The following CECR2 variants were observed in gnomAD, a reference collection of about 807,000 sequenced individuals.
CECR2 encodes chromatin remodeling regulator CECR2.
Under a neutral mutation model 154.5 loss-of-function variants are expected in CECR2, and 30 were observed. That is an observed-to-expected ratio of 0.19 (90% CI 0.15 to 0.26). The LOEUF (loss-of-function observed/expected upper bound fraction) is 0.26. Among genes scored for constraint, CECR2 ranks in the 10% least tolerant of loss-of-function variants. The pLI, the probability that CECR2 is intolerant of heterozygous loss-of-function variation, is 1.00. For synonymous variants in CECR2, 725 were observed against 683.7 expected (o/e 1.06, Z -0.94); for missense variants, 1,743 against 1,829.3 (o/e 0.95, Z 0.86).
At chr22:17,450,575 A>G (rs5746397) in intron 1 of CECR2, among the ~76,000 whole-genome samples, 21,291 of 152,242 alleles carry the variant, frequency 0.14, 1,806 homozygotes, top group East Asian at 0.29. Context: ...TAAAACATTG[A>G]AACAGTATAA....
At chr22:17,455,254 T>C (rs1263632045) in intron 1 of CECR2, among the ~76,000 whole-genome samples, 1 of 152,226 alleles carries the variant, frequency 6.6e-6, no homozygotes, top group African/African-American at 2.4e-5. Flanking sequence ...TAAAGTACAT[T>C]GATTTCTTTA....
chr22:17,376,490 C>T (rs1190018622), intron 1 of CECR2, among the ~76,000 whole-genome samples: 1 of 145,748 alleles, frequency 6.9e-6, no homozygotes, highest in Non-Finnish European at 1.5e-5. Context: ...TGTGCTGGGG[C>T]TCGCACAATG....
intron 1 of CECR2, among the ~76,000 whole-genome samples, chr22:17,413,063 T>A (rs573618854): frequency 6.6e-6 from 1 of 152,342 alleles, no homozygotes; most frequent in South Asian, 2.1e-4. Context: ...GCACATGCCT[T>A]TCTTTGGCCT....
rs201989565 is a variant in CECR2, at chr22:17,548,704, G to A, written c.3417G>A (p.Leu1139=). 94 of 1,613,510 alleles carry A rather than the reference G, an allele frequency of 5.8e-5. 1 individual carries two copies. The highest frequency in any genetic ancestry group is 4.0e-5 in the African/African-American group (3 of 74,918). Residue 1139 remains leucine (L), a synonymous_variant, in exon 17 of 19, where the codon CTG becomes CTA. Coordinates refer to ENST00000262608, the MANE Select transcript of CECR2 (RefSeq NM_001290047.2). ...CCCATTACCACATCAGTCCAGGCCTGCAGGGTGTGGGCCCTGTGATGGGAG... is the reference window on the plus strand; with the variant it reads ...CCCATTACCACATCAGTCCAGGCCTACAGGGTGTGGGCCCTGTGATGGGAG... ...SAAHYHISPG[L]QGVGPVMGGK... is the part of the protein sequence containing the mutation.
Position 17,548,583 on chromosome 22 carries a change from C to T in CECR2, c.3296C>T (p.Ala1099Val), listed in dbSNP as rs1468839453. Residue 1099 changes from alanine to valine, a missense_variant, in exon 17 of 19, where the codon GCG becomes GTG. Around this residue, in one of 4 missense-constraint regions of CECR2, gnomAD observed 1,250 missense variants for 1,192.1 expected, o/e 1.05. Transcript: ENST00000262608. ...ETMPCTGQNA[A>V]TPPSTDPGLT... is the part of the protein sequence containing the mutation. ...ATGCCATGCACGGGACAGAACGCAG[C>T]GACACCGCCCAGCACAGACCCCGGT... 4.3e-6 allele frequency: 7 copies of T among 1,613,512 alleles called. No homozygotes were observed. Among genetic ancestry groups the T allele is most frequent in the East Asian group, 2.2e-5 (1 of 44,852 alleles).
chr22:17,463,952 TGGTG>T (rs2054985844), intron 1 of CECR2, among the ~76,000 whole-genome samples: 1 of 151,946 alleles, frequency 6.6e-6, no homozygotes, highest in Admixed American at 6.6e-5. Flanking sequence ...AGCAGTGCGG[TGGTG>T]GGTGGGTGTG....
Position 17,556,037 on chromosome 22 carries a change from G to A in CECR2, c.*3197G>A, listed in dbSNP as rs2056768992. 1 of 152,146 alleles carries A rather than the reference G, an allele frequency of 6.6e-6. No homozygotes were observed. Among genetic ancestry groups the A allele is most frequent in the Non-Finnish European group, 1.5e-5 (1 of 68,028 alleles). The allele number at this position is 152,146 out of a possible 1,614,324, so 9.4% of individuals were successfully genotyped here. On this transcript the variant is annotated 3_prime_UTR_variant, in exon 19 of 19. Transcript: ENST00000262608. ...AGCTACTTTTTCCCCTCAGTTAAAA[G>A]GTAGCAGGAGCTATTGGCTGAAATT...
intron 1 of CECR2, among the ~76,000 whole-genome samples, chr22:17,440,945 T>C (rs1318765294): frequency 6.6e-6 from 1 of 151,016 alleles, no homozygotes; most frequent in Admixed American, 6.6e-5. Flanking sequence ...TTAACACTGT[T>C]TTTGGGGGGG....
chr22:17,542,198 C>T lies in CECR2; in HGVS notation c.2055C>T (p.Gly685=), dbSNP rs948056896. The T allele has an allele frequency of 6.2e-7, 1 of 1,612,878 alleles. No homozygotes were observed. Among genetic ancestry groups the T allele is most frequent in the African/African-American group, 1.3e-5 (1 of 74,920 alleles). The part of the protein sequence containing the change: ...GINSLRGPRL[G]TPEEKQMCGG... ...ACAGCCTCCGAGGACCCAGGCTAGG[C>T]ACACCAGAGGAGAAGCAAATGTGCG... Residue 685 remains glycine, a synonymous_variant, in exon 16 of 19, where the codon GGC becomes GGT. Coordinates refer to ENST00000262608, the MANE Select transcript of CECR2 (RefSeq NM_001290047.2).
intron 1 of CECR2, among the ~76,000 whole-genome samples, chr22:17,440,936 T>G (rs994983760): frequency 3.6e-5 from 5 of 137,204 alleles, no homozygotes; most frequent in Admixed American, 7.4e-5. Context: ...CAGGTCTTAT[T>G]AACACTGTTT....
At chr22:17,389,867 A>G (rs955344624) in intron 1 of CECR2, among the ~76,000 whole-genome samples, 2 of 152,030 alleles carry the variant, frequency 1.3e-5, no homozygotes, top group African/African-American at 4.8e-5. Context: ...ACCTCAGATG[A>G]TCCGCCCACC....
At chr22:17,524,400 T>TTTTTTTTTTTTTTTTTTTTTTC (rs2056217738) in intron 9 of CECR2, 129 bp downstream of exon 9, 1 of 1,146,742 alleles carries the variant, frequency 8.7e-7, no homozygotes, top group Non-Finnish European at 1.2e-6. Flanking sequence ...TTTTTTTTTT[T>TTTTTTTTTTTTTTTTTTTTTTC]TTTTTTTTTT....
At chr22:17,372,795 G>C (rs751424854) in intron 1 of CECR2, among the ~76,000 whole-genome samples, 3 of 152,136 alleles carry the variant, frequency 2.0e-5, no homozygotes, top group Non-Finnish European at 4.4e-5. Flanking sequence ...ATAAATAATA[G>C]CAAGTAGTAG....
chr22:17,498,734 G>C (rs1457008897), intron 3 of CECR2, among the ~76,000 whole-genome samples: 2 of 151,574 alleles, frequency 1.3e-5, no homozygotes, highest in African/African-American at 4.9e-5. Context: ...CCCCGTGCCT[G>C]ATCCACCCGG....
At chr22:17,414,148 A>AT (rs770415676) in intron 1 of CECR2, among the ~76,000 whole-genome samples, 7 of 148,700 alleles carry the variant, frequency 4.7e-5, no homozygotes, top group Non-Finnish European at 1.0e-4. Flanking sequence ...AATTTTTTGT[A>AT]TTTTTAGTAG....
At chr22:17,395,262 A>G (rs2079087) in intron 1 of CECR2, among the ~76,000 whole-genome samples, 52,207 of 152,024 alleles carry the variant, frequency 0.34, 9,468 homozygotes, top group Non-Finnish European at 0.41. Context: ...TCCTGAGCTC[A>G]AGGAATCCAC....
chr22:17,487,870 G>T (rs1340026057), intron 2 of CECR2, among the ~76,000 whole-genome samples: 1 of 150,676 alleles, frequency 6.6e-6, no homozygotes, highest in Admixed American at 6.6e-5. Context: ...AATTTTTCAT[G>T]TATTTATTTA....
At chr22:17,413,214 CAG>C (rs1329503967) in intron 1 of CECR2, among the ~76,000 whole-genome samples, 1 of 152,160 alleles carries the variant, frequency 6.6e-6, no homozygotes, top group African/African-American at 2.4e-5. Context: ...GAGGAAAACA[CAG>C]AGGAGAACAA....
chr22:17,414,718 A>C (rs551859413), intron 1 of CECR2, among the ~76,000 whole-genome samples: 3 of 149,880 alleles, frequency 2.0e-5, no homozygotes, highest in African/African-American at 7.4e-5. Context: ...CCTGTGTCCA[A>C]GTGTTCTCAT....
Sources: allele counts gnomAD v4.1 joint callset (sites outside exome capture counted in the v4.1 genomes callset), GRCh38; gene constraint gnomAD v4.1.1; regional missense constraint gnomAD v4.1.1; transcripts MANE v1.5; gene names NCBI Gene and HGNC (gene_info 2026-07-23, HGNC 2026-07-21).